C9orf85: variants seen among roughly 807,000 people sequenced by gnomAD.
C9orf85 encodes the protein chromosome 9 open reading frame 85.
Under a neutral mutation model 14.9 loss-of-function variants are expected in C9orf85, and 16 were observed. That is an observed-to-expected ratio of 1.08 (90% CI 0.73 to 1.63). The LOEUF (loss-of-function observed/expected upper bound fraction) is 1.63. C9orf85 is among the 40% of genes most tolerant of loss of function. C9orf85 has a pLI of 0.00. For missense variants in C9orf85, 172 were observed against 186.1 expected, an observed-to-expected ratio of 0.92 and a Z score of 0.44; for synonymous variants, 45 against 56.8, an observed-to-expected ratio of 0.79 and a Z score of 0.93.
intron 1 of C9orf85, among the ~76,000 whole-genome samples, chr9:71,945,134 A>G (rs1822051252): frequency 6.6e-6 from 1 of 152,208 alleles, no homozygotes; most frequent in Non-Finnish European, 1.5e-5. Flanking sequence ...TCCAATTAGG[A>G]AGTTAATATC....
chr9:71,977,567 T>C (rs1187169879), downstream of C9orf85, among the ~76,000 whole-genome samples: 1 of 152,222 alleles, frequency 6.6e-6, no homozygotes, highest in African/African-American at 2.4e-5. Context: ...CTGATAGATG[T>C]CACATTTATG....
intron 2 of C9orf85, among the ~76,000 whole-genome samples, chr9:71,950,661 C>T (rs891219921): frequency 4.6e-5 from 7 of 152,192 alleles, no homozygotes; most frequent in Non-Finnish European, 1.5e-5. Context: ...TGAGTCACCA[C>T]ACCCAGCCTT....
intron 1 of C9orf85, among the ~76,000 whole-genome samples, chr9:71,919,060 G>T (rs1827728311): frequency 6.6e-6 from 1 of 152,028 alleles, no homozygotes. Flanking sequence ...CTGAGCCTGG[G>T]TACTGATTTT....
At chr9:71,963,862 A>T (rs954196123) in intron 2 of C9orf85, among the ~76,000 whole-genome samples, 10 of 151,704 alleles carry the variant, frequency 6.6e-5, no homozygotes, top group Admixed American at 6.6e-4. Flanking sequence ...CTCCCCTACC[A>T]GCGCCACCCC....
intron 2 of C9orf85, among the ~76,000 whole-genome samples, chr9:71,955,073 A>G (rs189521837): frequency 2.4e-4 from 36 of 152,322 alleles, no homozygotes; most frequent in African/African-American, 6.7e-4. Context: ...GTTGCTTAAT[A>G]GAGTATCACT....
intron 1 of C9orf85, among the ~76,000 whole-genome samples, chr9:71,921,667 T>C (rs1347243421): frequency 6.6e-6 from 1 of 152,238 alleles, no homozygotes; most frequent in East Asian, 1.9e-4. Flanking sequence ...TCATGGGCCA[T>C]GGTCCTTAAC....
chr9:71,924,734 A>G (rs1346508452), intron 1 of C9orf85, among the ~76,000 whole-genome samples: 1 of 152,216 alleles, frequency 6.6e-6, no homozygotes, highest in Non-Finnish European at 1.5e-5. Flanking sequence ...GAAGTCATCA[A>G]TTTGAGTAAT....
At chr9:71,932,031 G>A (rs1313031005) in intron 1 of C9orf85, among the ~76,000 whole-genome samples, 1 of 152,072 alleles carries the variant, frequency 6.6e-6, no homozygotes, top group Non-Finnish European at 1.5e-5. Flanking sequence ...TATATCTTAG[G>A]GTTGAGTCCA....
At chr9:71,960,479 C>T (rs1274590861) in intron 2 of C9orf85, among the ~76,000 whole-genome samples, 1 of 152,114 alleles carries the variant, frequency 6.6e-6, no homozygotes, top group Non-Finnish European at 1.5e-5. Context: ...GGAAAGTTGG[C>T]TTAGGGTCTG....
chr9:71,934,684 C>T (rs550561618), intron 1 of C9orf85, among the ~76,000 whole-genome samples: 7 of 152,114 alleles, frequency 4.6e-5, no homozygotes, highest in East Asian at 1.9e-4. Context: ...ACCTGGGCAA[C>T]GTGGCAAAAC....
intron 1 of C9orf85, among the ~76,000 whole-genome samples, chr9:71,914,042 G>T (rs889106738): frequency 6.6e-6 from 1 of 152,168 alleles, no homozygotes; most frequent in Admixed American, 6.5e-5. Flanking sequence ...TCTGTGTAAT[G>T]AATAGCTAAT....
intron 1 of C9orf85, among the ~76,000 whole-genome samples, chr9:71,918,191 A>G (rs1311984999): frequency 2.0e-5 from 3 of 152,160 alleles, no homozygotes; most frequent in Non-Finnish European, 2.9e-5. Context: ...TAGGTATTAC[A>G]GGCAAAGGAC....
chr9:71,982,293 C>T (rs1458629409), intron 3 of C9orf85, among the ~76,000 whole-genome samples: 1 of 151,712 alleles, frequency 6.6e-6, no homozygotes, highest in Admixed American at 6.6e-5. Flanking sequence ...TTTACCCCTT[C>T]AAATTTGGAT....
intron 2 of C9orf85, among the ~76,000 whole-genome samples, chr9:71,955,455 C>T (rs1031348387): frequency 2.0e-5 from 3 of 151,968 alleles, no homozygotes; most frequent in Non-Finnish European, 4.4e-5. Context: ...AGGGAAGTGA[C>T]CTTTTTCTGT....
intron 2 of C9orf85, among the ~76,000 whole-genome samples, chr9:71,970,824 TAA>T (rs1589273855): frequency 1.9e-5 from 2 of 105,964 alleles, no homozygotes; most frequent in South Asian, 3.8e-4. Flanking sequence ...TTCTCAATAT[TAA>T]GTCTTTTTTT....
At chr9:71,916,163 A>G (rs938507452) in intron 1 of C9orf85, among the ~76,000 whole-genome samples, 3 of 152,334 alleles carry the variant, frequency 2.0e-5, no homozygotes, top group African/African-American at 7.2e-5. Context: ...GAGAGTATCT[A>G]TAATAGCATG....
intron 1 of C9orf85, among the ~76,000 whole-genome samples, chr9:71,922,872 G>A (rs1012797507): frequency 2.6e-5 from 4 of 152,240 alleles, no homozygotes; most frequent in African/African-American, 9.6e-5. Flanking sequence ...GCTCACGCCT[G>A]TAATCCCAGC....
intron 2 of C9orf85, among the ~76,000 whole-genome samples, chr9:71,967,210 A>T (rs186774742): frequency 1.3e-5 from 2 of 152,108 alleles, no homozygotes; most frequent in Admixed American, 1.3e-4. Flanking sequence ...TTTATATTTG[A>T]ATTTATGTTC....
chr9:71,929,468 G>A (rs547691026), intron 1 of C9orf85, among the ~76,000 whole-genome samples: 8 of 152,230 alleles, frequency 5.3e-5, no homozygotes, highest in African/African-American at 1.9e-4. Flanking sequence ...TTGTACATAG[G>A]TTGGCCCATA....
Sources: gnomAD v4.1 joint callset for allele counts (sites outside exome capture counted in the v4.1 genomes callset) on GRCh38, gnomAD v4.1.1 for gene constraint, MANE v1.5 for transcripts, NCBI Gene and HGNC (gene_info 2026-07-23, HGNC 2026-07-21) for gene names.